CSMD1: variants seen among roughly 807,000 people sequenced by gnomAD.
CSMD1 encodes CUB and sushi domain-containing protein 1.
A neutral mutation model predicts 417.5 loss-of-function variants in CSMD1; 213 were observed. The ratio of observed to expected loss-of-function variants is 0.51; its 90% CI spans 0.46 to 0.57. The LOEUF (loss-of-function observed/expected upper bound fraction) is 0.57, where lower values mean the gene tolerates loss of function less well. CSMD1 is among the 20% of genes least tolerant of loss of function. CSMD1 has a pLI of 0.00. For missense variants in CSMD1, 6,923 were observed against 4,529.7 expected, an observed-to-expected ratio of 1.53 and a Z score of -15.17; for synonymous variants, 2,862 against 1,736.8, an observed-to-expected ratio of 1.65 and a Z score of -16.11.
chr8:3,646,610 C>T (rs906472295), intron 7 of CSMD1, among the ~76,000 whole-genome samples: 1 of 152,196 alleles, frequency 6.6e-6, no homozygotes, highest in African/African-American at 2.4e-5. Flanking sequence ...AGTCAGGGAA[C>T]CACTAAAAAT....
chr8:4,940,551 A>G (rs564793895), intron 1 of CSMD1, among the ~76,000 whole-genome samples: 17 of 152,322 alleles, frequency 1.1e-4, no homozygotes, highest in Middle Eastern at 3.4e-3. Flanking sequence ...ATTCATCCAC[A>G]CAGTATCAAC....
intron 4 of CSMD1, among the ~76,000 whole-genome samples, chr8:4,023,753 ATTTTTTTTTTTTTTTTTTT>A (rs760333220): frequency 2.0e-5 from 1 of 50,100 alleles, no homozygotes; most frequent in Non-Finnish European, 3.5e-5. Context: ...CGCTCGGCTA[ATTTTTTTTTTTTTTTTTTT>A]TTTTTTTTTT....
chr8:3,561,943 T>C (rs1799484385), intron 10 of CSMD1, among the ~76,000 whole-genome samples: 1 of 152,196 alleles, frequency 6.6e-6, no homozygotes, highest in Admixed American at 6.5e-5. Flanking sequence ...TGATCTCCCG[T>C]GAGCTGCGTG....
chr8:4,758,018 G>C (rs185434170), intron 1 of CSMD1, among the ~76,000 whole-genome samples: 1 of 150,770 alleles, frequency 6.6e-6, no homozygotes, highest in African/African-American at 2.4e-5. Flanking sequence ...CCTTGAGACA[G>C]GATTTACTGC....
At chr8:4,195,858 T>C (rs770802102) in intron 3 of CSMD1, among the ~76,000 whole-genome samples, 6 of 152,148 alleles carry the variant, frequency 3.9e-5, no homozygotes, top group African/African-American at 1.4e-4. Flanking sequence ...GCCTTGATCA[T>C]AGCATGCGAG....
chr8:4,331,561 C>T (rs1375514168), intron 3 of CSMD1, among the ~76,000 whole-genome samples: 3 of 152,000 alleles, frequency 2.0e-5, no homozygotes, highest in African/African-American at 7.3e-5. Flanking sequence ...GAATTAAATC[C>T]ACAGCTGGGA....
At position 3,284,241 on chromosome 8, in the gene CSMD1, G is replaced by C. The variant is rs137933937; in HGVS notation, c.4056C>G (p.Ala1352=). Residue 1352 remains alanine (A), a synonymous_variant, in exon 26 of 70, where the codon GCC becomes GCG. Coordinates refer to ENST00000635120, the MANE Select transcript of CSMD1 (RefSeq NM_033225.6). ...AGGTGCTGTGGATGTCCTCCGGAAG[G>C]GCGGAGCCACTCCACTCCTTCAGCA... ...DILLKEWSGS[A]LPEDIHSTFN... The C allele has an allele frequency of 6.2e-7, 1 of 1,613,662 alleles. No homozygotes were observed. The highest frequency in any genetic ancestry group is 8.5e-7 in the Non-Finnish European group (1 of 1,179,760).
intron 11 of CSMD1, among the ~76,000 whole-genome samples, chr8:3,473,685 T>C (rs1336269566): frequency 6.6e-6 from 1 of 152,202 alleles, no homozygotes; most frequent in African/African-American, 2.4e-5. Flanking sequence ...AGTCATTTTG[T>C]TGAATGTCAT....
In CSMD1 at chr8:4,537,878, G is replaced by C. The variant is rs138122664; in HGVS notation, c.302+99464C>G. Among the ~76,000 whole-genome samples, 24 of 152,286 alleles carry C rather than the reference G, an allele frequency of 1.6e-4. No individual in the cohort carries two copies. The East Asian group carries it at 3.1e-3, about 20-fold the overall frequency. ...CATTGCTTTGATCACATAGGATTTA[G>C]AATGCTTATTTTCTCATTAGTTATT... On this transcript the variant is annotated intron_variant, in intron 2 of 69. Coordinates refer to ENST00000635120, the MANE Select transcript of CSMD1 (RefSeq NM_033225.6).
intron 3 of CSMD1, among the ~76,000 whole-genome samples, chr8:4,109,343 C>A (rs749653434): frequency 2.6e-5 from 4 of 151,922 alleles, no homozygotes; most frequent in African/African-American, 9.7e-5. Flanking sequence ...ATCATTTTCA[C>A]GAATAAAATC....
intron 7 of CSMD1, among the ~76,000 whole-genome samples, chr8:3,692,621 T>C (rs1228752932): frequency 2.6e-5 from 4 of 151,906 alleles, no homozygotes; most frequent in African/African-American, 9.7e-5. Context: ...TTCGTAGAGG[T>C]GGGGTTTCAC....
At chr8:3,979,627 G>T (rs892552361) in intron 5 of CSMD1, among the ~76,000 whole-genome samples, 1 of 152,194 alleles carries the variant, frequency 6.6e-6, no homozygotes, top group African/African-American at 2.4e-5. Context: ...AAGAGGAAGA[G>T]ATTCCAGAGC....
At chr8:4,665,006 T>A (rs544510940) in intron 1 of CSMD1, among the ~76,000 whole-genome samples, 17 of 152,372 alleles carry the variant, frequency 1.1e-4, no homozygotes, top group African/African-American at 3.6e-4. Flanking sequence ...GTTCTTCATT[T>A]TATTATTACC....
chr8:3,508,242 G>A (rs896609383), intron 10 of CSMD1, among the ~76,000 whole-genome samples: 1 of 151,968 alleles, frequency 6.6e-6, no homozygotes, highest in East Asian at 1.9e-4. Context: ...CACTTAAGTG[G>A]TGTCTGTGAC....
At chr8:4,895,226 C>G (rs1585280718) in intron 1 of CSMD1, among the ~76,000 whole-genome samples, 1 of 152,094 alleles carries the variant, frequency 6.6e-6, no homozygotes, top group Non-Finnish European at 1.5e-5. Context: ...ACAACTAAGA[C>G]AACCTGAATC....
chr8:3,203,313 A>C (rs1167510585), intron 31 of CSMD1, among the ~76,000 whole-genome samples: 2 of 152,156 alleles, frequency 1.3e-5, no homozygotes, highest in African/African-American at 2.4e-5. Context: ...CCTGGGTTCT[A>C]ACCCGTCACA....
intron 10 of CSMD1, among the ~76,000 whole-genome samples, chr8:3,524,698 G>A (rs777004908): frequency 1.4e-4 from 19 of 136,382 alleles, no homozygotes; most frequent in African/African-American, 2.2e-4. Context: ...CCAAAGAGAC[G>A]TGCACACACA....
At chr8:4,086,325 T>C (rs1398579672) in intron 3 of CSMD1, among the ~76,000 whole-genome samples, 2 of 152,186 alleles carry the variant, frequency 1.3e-5, no homozygotes, top group Non-Finnish European at 2.9e-5. Context: ...TCCAAAGCCT[T>C]TTTCATTAAG....
intron 5 of CSMD1, among the ~76,000 whole-genome samples, chr8:3,898,032 A>G (rs1335717626): frequency 6.6e-6 from 1 of 152,194 alleles, no homozygotes; most frequent in Non-Finnish European, 1.5e-5. Flanking sequence ...TGACAATGCT[A>G]TTCTTACCAC....
Sources: allele counts gnomAD v4.1 joint callset (sites outside exome capture counted in the v4.1 genomes callset), GRCh38; gene constraint gnomAD v4.1.1; transcripts MANE v1.5; gene names NCBI Gene and HGNC (gene_info 2026-07-23, HGNC 2026-07-21).